CHD9: variants seen among roughly 807,000 people sequenced by gnomAD.
CHD9 encodes ATP-dependent chromatin remodeler CHD9.
CHD9 carries 77 observed loss-of-function variants against 316.1 expected under a neutral mutation model. The observed-to-expected ratio is 0.24, with a 90% CI of 0.20 to 0.29. The LOEUF (loss-of-function observed/expected upper bound fraction) is 0.29, where lower values mean the gene tolerates loss of function less well. Ranked by LOEUF, CHD9 falls within the 10% of genes least tolerant of loss-of-function variation. The pLI, the probability that CHD9 is intolerant of heterozygous loss-of-function variation, is 1.00. For synonymous variants in CHD9, 1,129 were observed against 1,158.3 expected (o/e 0.97, Z 0.51); for missense variants, 2,763 against 3,438.1 (o/e 0.80, Z 4.91).
chr16:53,298,895 T>A (rs745563667), intron 30 of CHD9: 1 of 158,370 alleles, frequency 6.3e-6, no homozygotes, highest in East Asian at 1.9e-4. Context: ...ACAGAAGATA[T>A]AATTGTGGCA....
chr16:53,060,356 G>A (rs545131850), intron 1 of CHD9, among the ~76,000 whole-genome samples: 456 of 152,286 alleles, frequency 3.0e-3, no homozygotes, highest in Non-Finnish European at 5.6e-3. Flanking sequence ...GCTCATGCCT[G>A]TAGCCCCAGC....
rs189767081 is a variant in CHD9 at position 53,268,219 on chromosome 16, A to G, written c.4717+93A>G. On this transcript the variant is annotated intron_variant, in intron 22 of 38. Coordinates refer to ENST00000447540, the MANE Select transcript of CHD9 (RefSeq NM_001308319.2). ...TCCTATAAAATATAAAAGCATTACAAATAATATTAAGGAACCTTAACCTTC... is the reference window on the plus strand; with the variant it reads ...TCCTATAAAATATAAAAGCATTACAGATAATATTAAGGAACCTTAACCTTC... 2.2e-5 allele frequency: 20 copies of G among 902,212 alleles called. No individual in the cohort carries two copies. The East Asian group carries it at 4.6e-4, about 21-fold the overall frequency. The allele number at this position is 902,212 out of a possible 1,614,324, so 55.9% of individuals were successfully genotyped here.
At chr16:53,297,802 T>C (rs546274844) in intron 30 of CHD9, among the ~76,000 whole-genome samples, 1 of 152,360 alleles carries the variant, frequency 6.6e-6, no homozygotes, top group African/African-American at 2.4e-5. Context: ...TCCTGTTTTA[T>C]AGTAAAAAGA....
intron 19 of CHD9, among the ~76,000 whole-genome samples, chr16:53,260,996 C>T (rs1176817911): frequency 6.6e-6 from 1 of 150,888 alleles, no homozygotes; most frequent in East Asian, 1.9e-4. Flanking sequence ...GATGAGGTAT[C>T]TTTGGGGACC....
intron 30 of CHD9, among the ~76,000 whole-genome samples, chr16:53,303,504 T>C (rs1171707434): frequency 6.6e-6 from 1 of 152,160 alleles, no homozygotes; most frequent in Non-Finnish European, 1.5e-5. Context: ...TAAAACTTTC[T>C]CCTTTTTAAA....
chr16:53,255,751 C>T lies in CHD9; in HGVS notation c.4181C>T (p.Ser1394Leu), dbSNP rs1433598006. The change falls in exon 19 of 39, where the codon TCA becomes TTA. Residue 1394 changes from serine (S) to leucine (L), a missense_variant. Transcript: ENST00000447540. ...LRRTKTITIESEGRGSTFAKA... is the reference protein window; with the variant it reads ...LRRTKTITIELEGRGSTFAKA... ...CGTACAAAAACTATTACAATTGAATCAGAAGGACGTGGGTCAACATTTGCC... is the reference window on the plus strand; with the variant it reads ...CGTACAAAAACTATTACAATTGAATTAGAAGGACGTGGGTCAACATTTGCC... 6.2e-7 allele frequency: 1 copy of T among 1,613,822 alleles called. No individual in the cohort carries two copies.
intron 2 of CHD9, among the ~76,000 whole-genome samples, chr16:53,162,168 G>A (rs370521614): frequency 5.3e-5 from 8 of 152,154 alleles, no homozygotes; most frequent in African/African-American, 1.7e-4. Flanking sequence ...TTGCTGATTT[G>A]ACTCTAGAAT....
chr16:53,279,393 G>A (rs527380177), intron 24 of CHD9, among the ~76,000 whole-genome samples: 6 of 152,262 alleles, frequency 3.9e-5, no homozygotes, highest in African/African-American at 1.2e-4. Flanking sequence ...GATAGCATTA[G>A]GAGATATACC....
At chr16:53,213,067 C>T (rs1451188940) in intron 3 of CHD9, among the ~76,000 whole-genome samples, 2 of 152,168 alleles carry the variant, frequency 1.3e-5, no homozygotes, top group Admixed American at 6.5e-5. Flanking sequence ...GGCTCTGTTC[C>T]TAAATAAGAT....
intron 2 of CHD9, among the ~76,000 whole-genome samples, chr16:53,206,192 A>G (rs2045882605): frequency 6.6e-6 from 1 of 152,022 alleles, no homozygotes; most frequent in Non-Finnish European, 1.5e-5. Context: ...ACCTCAGGTG[A>G]TCCGCCCACC....
Position 53,327,085 on chromosome 16 carries a change from T to C in CHD9, c.*2190T>C, listed in dbSNP as rs926575114. The stretch of plus-strand genomic sequence containing the variant: ...CTCTTAGGTTTCAAGACACTTCTAT[T>C]TAATATTCATTGGGGAAAAGTTGTC... On this transcript the variant is annotated 3_prime_UTR_variant, in exon 39 of 39. Coordinates refer to ENST00000447540, the MANE Select transcript of CHD9 (RefSeq NM_001308319.2). The C allele has an allele frequency of 6.6e-6, 1 of 152,476 alleles. No homozygotes were observed. The highest frequency in any genetic ancestry group is 1.5e-5 in the Non-Finnish European group (1 of 67,936). 9.4% of individuals were successfully genotyped at this position (152,476 alleles called of 1,614,324 possible). A position where few individuals can be genotyped will look rare whatever the true frequency, so the allele number is the denominator to read the frequency against.
rs77701505 is a variant in CHD9, at chr16:53,068,005, G to C, written c.-165+12928G>C. On this transcript the variant is annotated intron_variant, in intron 1 of 38. Transcript: ENST00000447540. ...GCCCAGGAGGTCAAGTCTGCAGTGA[G>C]CTAAGATTGTGCCACTGTCCTCCAG... is the stretch of plus-strand genomic sequence containing the variant. Among the ~76,000 whole-genome samples the C allele has an allele frequency of 2.0e-3, 300 of 152,274 alleles. 10 individuals are homozygous for C. The East Asian group carries it at 0.055, about 28-fold the overall frequency.
At chr16:53,057,121 G>A (rs2032230908) in intron 1 of CHD9, among the ~76,000 whole-genome samples, 1 of 151,756 alleles carries the variant, frequency 6.6e-6, no homozygotes, top group African/African-American at 2.4e-5. Context: ...GATCAGCCTG[G>A]GTAACACAGT....
At chr16:53,059,254 G>A (rs1420745253) in intron 1 of CHD9, among the ~76,000 whole-genome samples, 3 of 152,292 alleles carry the variant, frequency 2.0e-5, no homozygotes, top group South Asian at 2.1e-4. Context: ...ATGAAACCAC[G>A]TGGGATAGTG....
chr16:53,122,738 G>T (rs753070342), intron 1 of CHD9, among the ~76,000 whole-genome samples: 1 of 151,332 alleles, frequency 6.6e-6, no homozygotes, highest in South Asian at 2.1e-4. Context: ...ACGGAGTCTC[G>T]CTCTGTCGCC....
In CHD9 at chr16:53,291,745, A is replaced by T; in HGVS notation, c.5268A>T (p.Gly1756=). 6.4e-7 allele frequency: 1 copy of T among 1,564,986 alleles called. No homozygotes were observed. The highest frequency in any genetic ancestry group is 8.6e-7 in the Non-Finnish European group (1 of 1,162,382). ...DDIEDDVSSP[G]DLVIADGDGQ... is the part of the protein sequence containing the mutation. ...AAAAGGATGATGTTTCCTCACCAGG[A>T]GATCTTGTTATAGCAGATGGAGGTA... The change falls in exon 28 of 39, where the codon GGA becomes GGT. Residue 1756 remains glycine, a synonymous_variant. Coordinates refer to ENST00000447540, the MANE Select transcript of CHD9 (RefSeq NM_001308319.2).
intron 24 of CHD9, among the ~76,000 whole-genome samples, chr16:53,280,229 T>C (rs2053273549): frequency 6.6e-6 from 1 of 152,324 alleles, no homozygotes; most frequent in East Asian, 1.9e-4. Context: ...CACACATGTT[T>C]ATAGCAGCAC....
chr16:53,173,597 T>C (rs906652892), intron 2 of CHD9, among the ~76,000 whole-genome samples: 2 of 152,040 alleles, frequency 1.3e-5, no homozygotes, highest in African/African-American at 4.8e-5. Flanking sequence ...CAGGCTGGAG[T>C]GCAGTGGCGC....
chr16:53,190,389 G>T (rs1392853604), intron 2 of CHD9, among the ~76,000 whole-genome samples: 1 of 152,078 alleles, frequency 6.6e-6, no homozygotes, highest in Non-Finnish European at 1.5e-5. Flanking sequence ...TGGACTCTGA[G>T]AATGAGCCTT....
Sources: gnomAD v4.1 joint callset for allele counts (sites outside exome capture counted in the v4.1 genomes callset) on GRCh38, gnomAD v4.1.1 for gene constraint, MANE v1.5 for transcripts, NCBI Gene and HGNC (gene_info 2026-07-23, HGNC 2026-07-21) for gene names.